IL1RAPL2: variants seen among roughly 807,000 people sequenced by gnomAD.
The protein encoded by IL1RAPL2 is X-linked interleukin-1 receptor accessory protein-like 2.
In IL1RAPL2, 3 loss-of-function variants were observed where a neutral mutation model predicts 44.1. The ratio of observed to expected loss-of-function variants is 0.07; its 90% confidence interval spans 0.03 to 0.18. The LOEUF (loss-of-function observed/expected upper bound fraction) is 0.18, where lower values mean the gene tolerates loss of function less well. Among genes scored for constraint, IL1RAPL2 ranks in the 10% least tolerant of loss-of-function variants. IL1RAPL2 has a pLI of 1.00. For missense variants in IL1RAPL2, 391 were observed against 496.4 expected (o/e 0.79, Z 2.02); for synonymous variants, 181 against 178.8 (o/e 1.01, Z -0.10).
intron 2 of IL1RAPL2, among the ~76,000 whole-genome samples, chrX:104,664,153 G>C (rs1345520580): frequency 9.0e-6 from 1 of 111,203 alleles, no homozygotes; most frequent in Admixed American, 9.6e-5. Flanking sequence ...ATGTTAACAA[G>C]ATATTCCCTA....
intron 3 of IL1RAPL2, among the ~76,000 whole-genome samples, chrX:105,210,071 CCCA>C (rs1391059790): frequency 9.1e-6 from 1 of 110,127 alleles, no homozygotes; most frequent in Non-Finnish European, 1.9e-5. Context: ...GTACCACTGT[CCCA>C]CCACCACCCT....
chrX:105,421,273 A>C (rs1333942829), intron 5 of IL1RAPL2, among the ~76,000 whole-genome samples: 1 of 111,086 alleles, frequency 9.0e-6, no homozygotes, highest in African/African-American at 3.3e-5. Flanking sequence ...TGAGTTTCTG[A>C]TTTTCCTCTC....
At chrX:105,177,919 T>C (rs2033491325) in intron 2 of IL1RAPL2, among the ~76,000 whole-genome samples, 1 of 111,766 alleles carries the variant, frequency 8.9e-6, no homozygotes, top group Admixed American at 9.5e-5. Flanking sequence ...GGCTGTGTAA[T>C]GATCAAGTCA....
intron 5 of IL1RAPL2, among the ~76,000 whole-genome samples, chrX:105,363,305 TATAATA>T (rs1368110511): frequency 7.7e-5 from 6 of 77,798 alleles, no homozygotes; most frequent in Non-Finnish European, 1.3e-4. Context: ...TATATATATA[TATAATA>T]TATATATATA....
chrX:105,760,413 G>A (rs751160721), intron 10 of IL1RAPL2, among the ~76,000 whole-genome samples: 1 of 112,017 alleles, frequency 8.9e-6, no homozygotes, highest in East Asian at 2.8e-4. Flanking sequence ...GAGAAAGAAA[G>A]AGGTGGAGGG....
intron 2 of IL1RAPL2, among the ~76,000 whole-genome samples, chrX:105,012,882 C>A (rs918271674): frequency 1.1e-4 from 12 of 110,021 alleles, no homozygotes; most frequent in African/African-American, 4.0e-4. Flanking sequence ...ATGAGGTATT[C>A]TGATTTGATC....
intron 2 of IL1RAPL2, among the ~76,000 whole-genome samples, chrX:105,195,088 A>G (rs2033662832): frequency 9.1e-6 from 1 of 110,297 alleles, no homozygotes; most frequent in Non-Finnish European, 1.9e-5. Context: ...CAGCAGCATC[A>G]TTCTAGTAGT....
chrX:105,685,026 T>C (rs896779698), intron 6 of IL1RAPL2, among the ~76,000 whole-genome samples: 2 of 111,681 alleles, frequency 1.8e-5, no homozygotes, highest in African/African-American at 3.3e-5. Context: ...AAAAAGGTCA[T>C]CTACACCAAA....
chrX:105,758,488 G>A (rs1319455127), intron 10 of IL1RAPL2, among the ~76,000 whole-genome samples: 1 of 110,691 alleles, frequency 9.0e-6, no homozygotes, highest in African/African-American at 3.3e-5. Flanking sequence ...ACTTTCCAAG[G>A]TGAGCTGGGG....
intron 5 of IL1RAPL2, among the ~76,000 whole-genome samples, chrX:105,407,717 C>T (rs1403312109): frequency 4.5e-5 from 5 of 111,545 alleles, no homozygotes; most frequent in South Asian, 3.8e-4. Flanking sequence ...AGAAAGACAT[C>T]GTTGTACTTC....
Position 105,343,096 on chromosome X carries a change from G to A in IL1RAPL2, c.697+75555G>A, listed in dbSNP as rs181523785. 8.0e-3 allele frequency among the ~76,000 whole-genome samples: 888 copies of A among 111,363 alleles called. 2 individuals are homozygous for A. The highest frequency in any genetic ancestry group is 0.011 in the Non-Finnish European group (604 of 53,081). On this transcript the variant is annotated intron_variant, in intron 5 of 10. Coordinates refer to ENST00000372582, the MANE Select transcript of IL1RAPL2 (RefSeq NM_017416.2). ...CATAGAAAACATTCTACACAAGGTTGGTCAGGTAGCTATGTTGAAGAGGCA... is the reference window on the plus strand; with the variant it reads ...CATAGAAAACATTCTACACAAGGTTAGTCAGGTAGCTATGTTGAAGAGGCA...
chrX:104,829,402 C>T (rs1051865646), intron 2 of IL1RAPL2, among the ~76,000 whole-genome samples: 1 of 111,532 alleles, frequency 9.0e-6, no homozygotes, highest in Admixed American at 9.5e-5. Context: ...CCACCCCTTG[C>T]AAATCCCAGT....
chrX:104,763,519 C>A (rs1485336885), intron 2 of IL1RAPL2, among the ~76,000 whole-genome samples: 1 of 111,717 alleles, frequency 9.0e-6, no homozygotes, highest in Non-Finnish European at 1.9e-5. Context: ...CAGCAGCACC[C>A]CACTCTCTGC....
intron 5 of IL1RAPL2, among the ~76,000 whole-genome samples, chrX:105,370,533 A>G (rs1284392319): frequency 8.9e-6 from 1 of 111,938 alleles, no homozygotes; most frequent in Non-Finnish European, 1.9e-5. Context: ...AGCCCCATCC[A>G]TGTTCCTGCA....
intron 3 of IL1RAPL2, among the ~76,000 whole-genome samples, chrX:105,209,986 G>GT (rs1197070419): frequency 7.3e-5 from 8 of 110,210 alleles, no homozygotes; most frequent in Non-Finnish European, 1.5e-4. Flanking sequence ...CCCCAATCGT[G>GT]TTTTTTATGC....
chrX:104,972,613 G>A (rs191918999), intron 2 of IL1RAPL2, among the ~76,000 whole-genome samples: 2 of 111,582 alleles, frequency 1.8e-5, no homozygotes, highest in East Asian at 5.7e-4. Context: ...TACAATTTTT[G>A]AAATATTTAC....
chrX:105,440,950 C>T (rs1034767578), intron 5 of IL1RAPL2, among the ~76,000 whole-genome samples: 1 of 111,847 alleles, frequency 8.9e-6, no homozygotes, highest in African/African-American at 3.3e-5. Context: ...ATGTGTCTGG[C>T]TTCCCCTTTG....
intron 2 of IL1RAPL2, among the ~76,000 whole-genome samples, chrX:105,151,495 G>A (rs889807634): frequency 5.5e-5 from 6 of 110,043 alleles, no homozygotes; most frequent in African/African-American, 2.0e-4. Context: ...GCACATTTAC[G>A]ATGTAGAAGG....
intron 2 of IL1RAPL2, among the ~76,000 whole-genome samples, chrX:105,075,952 G>T (rs982992928): frequency 9.0e-6 from 1 of 111,153 alleles, no homozygotes; most frequent in Non-Finnish European, 1.9e-5. Flanking sequence ...TACTAGTCTT[G>T]CTAGCGGTCA....
Sources: gnomAD v4.1 joint callset for allele counts (sites outside exome capture counted in the v4.1 genomes callset) on GRCh38, gnomAD v4.1.1 for gene constraint, MANE v1.5 for transcripts, NCBI Gene and HGNC (gene_info 2026-07-23, HGNC 2026-07-21) for gene names.